The following UGT1A10 variants were observed in gnomAD, a reference collection of about 807,000 sequenced individuals.
UGT1A10 encodes the protein UDP-glucuronosyltransferase 1A10.
Under a neutral mutation model 45.8 loss-of-function variants are expected in UGT1A10, and 49 were observed. The observed-to-expected ratio is 1.07, with a 90% CI of 0.85 to 1.36. The LOEUF (loss-of-function observed/expected upper bound fraction) is 1.36. Ranked by LOEUF, UGT1A10 falls within the 40% of genes most tolerant of loss-of-function variation. The pLI is 0.00. For synonymous variants in UGT1A10, 284 were observed against 249.7 expected (o/e 1.14, Z -1.29); for missense variants, 745 against 668.6 (o/e 1.11, Z -1.26).
At chr2:233,651,183 T>C (rs578096778) in intron 1 of UGT1A10, among the ~76,000 whole-genome samples, 71 of 152,290 alleles carry the variant, frequency 4.7e-4, no homozygotes, top group Middle Eastern at 6.8e-3. Flanking sequence ...TTACCCTCCT[T>C]CAGTTACAGC....
chr2:233,639,041 C>G (rs1409552282), intron 1 of UGT1A10, among the ~76,000 whole-genome samples: 8 of 152,206 alleles, frequency 5.3e-5, no homozygotes, highest in Non-Finnish European at 1.0e-4. Flanking sequence ...CTGCCACTTC[C>G]TGAACCCACG....
intron 1 of UGT1A10, among the ~76,000 whole-genome samples, chr2:233,711,666 T>C (rs903465308): frequency 6.6e-6 from 1 of 152,186 alleles, no homozygotes; most frequent in African/African-American, 2.4e-5. Context: ...TGGAATCTAT[T>C]ATCAATGTGG....
chr2:233,713,287 C>G (rs28946880), intron 1 of UGT1A10: 2 of 1,614,230 alleles, frequency 1.2e-6, no homozygotes, highest in Non-Finnish European at 1.7e-6. Flanking sequence ...CACACTCAAT[C>G]GTTCTTTGAA....
intron 1 of UGT1A10, among the ~76,000 whole-genome samples, chr2:233,679,402 G>T (rs1216966194): frequency 1.3e-5 from 2 of 152,040 alleles, no homozygotes; most frequent in East Asian, 3.9e-4. Context: ...CAAGGCTTGA[G>T]GTTTGGCAGT....
rs181904192 is a variant in UGT1A10, at chr2:233,720,907, C to T, written c.856-46127C>T. On this transcript the variant is annotated intron_variant, in intron 1 of 4. Coordinates refer to ENST00000344644, the MANE Select transcript of UGT1A10 (RefSeq NM_019075.4). ...TTTTTTTTTAGTAGAGATGAGGTTT[C>T]GCAATGTTAGCCAGGCTGGTCTTGA... 7.9e-3 allele frequency among the ~76,000 whole-genome samples: 1,118 copies of T among 140,910 alleles called. 9 individuals carry two copies. Among genetic ancestry groups the T allele is most frequent in the Admixed American group, 0.016 (217 of 13,846 alleles). 92.4% of individuals were successfully genotyped at this position (140,910 alleles called of 152,430 possible).
intron 1 of UGT1A10, among the ~76,000 whole-genome samples, chr2:233,766,494 G>A (rs1250106940): frequency 2.6e-5 from 4 of 152,182 alleles, no homozygotes; most frequent in African/African-American, 9.7e-5. Flanking sequence ...GGCGTGGCAG[G>A]CCAGGGTGGT....
chr2:233,681,870 A>G, intron 1 of UGT1A10: 1 of 1,539,590 alleles, frequency 6.5e-7, no homozygotes. Context: ...TTCTATCTGT[A>G]CTTCTTCCAC....
intron 1 of UGT1A10, among the ~76,000 whole-genome samples, chr2:233,679,519 T>A (rs2074454674): frequency 6.6e-6 from 1 of 152,216 alleles, no homozygotes; most frequent in African/African-American, 2.4e-5. Context: ...GTTTTCTTCC[T>A]TGCCAATAAA....
At chr2:233,736,248 A>G (rs2078745941) in intron 1 of UGT1A10, among the ~76,000 whole-genome samples, 1 of 151,866 alleles carries the variant, frequency 6.6e-6, no homozygotes, top group Non-Finnish European at 1.5e-5. Context: ...TTCTCACTTT[A>G]TTTCATTAAT....
At chr2:233,639,918 A>C (rs1182020700) in intron 1 of UGT1A10, among the ~76,000 whole-genome samples, 1 of 152,248 alleles carries the variant, frequency 6.6e-6, no homozygotes, top group Non-Finnish European at 1.5e-5. Context: ...TGAGAAAAAG[A>C]GGAAGTCACT....
intron 1 of UGT1A10, among the ~76,000 whole-genome samples, chr2:233,671,621 A>C (rs2074194352): frequency 6.6e-6 from 1 of 152,228 alleles, no homozygotes; most frequent in South Asian, 2.1e-4. Flanking sequence ...ATCTTTCTGA[A>C]CCTTCAAGGT....
rs1491042837 is a variant in UGT1A10 at position 233,757,562 on chromosome 2, G to GTATATATATATATATATATA, written c.856-9465_856-9464insATATATATATATATATATAT. On this transcript the variant is annotated intron_variant, in intron 1 of 4. Coordinates refer to ENST00000344644, the MANE Select transcript of UGT1A10 (RefSeq NM_019075.4). ...TATATATATATATATATATATATAT[G>GTATATATATATATATATATA]TATATATGATATAGCTATAGTCTAA... 3.3e-5 allele frequency among the ~76,000 whole-genome samples: 3 copies of GTATATATATATATATATATA among 90,870 alleles called. 1 individual carries two copies. The highest frequency in any genetic ancestry group is 1.5e-4 in the African/African-American group (3 of 19,494). The allele number at this position is 90,870 out of a possible 152,430, so 59.6% of individuals were successfully genotyped here. A position where few individuals can be genotyped will look rare whatever the true frequency, so the allele number is the denominator to read the frequency against.
intron 1 of UGT1A10, chr2:233,713,464 C>G (rs12475068): frequency 0.098 from 158,292 of 1,613,912 alleles, 8,805 homozygotes; most frequent in South Asian, 0.2. Flanking sequence ...CACCTCTGCG[C>G]GGCGGTGCTG....
At chr2:233,672,227 G>T in intron 1 of UGT1A10, 1 of 1,614,016 alleles carries the variant, frequency 6.2e-7, no homozygotes. Context: ...CATGCTCAAT[G>T]GAAAGCACAA....
At chr2:233,644,757 T>C (rs2073555026) in intron 1 of UGT1A10, among the ~76,000 whole-genome samples, 1 of 151,988 alleles carries the variant, frequency 6.6e-6, no homozygotes, top group South Asian at 2.1e-4. Context: ...TTGGGTGACA[T>C]AGGAGATGCA....
At chr2:233,723,194 T>TA (rs551785642) in intron 1 of UGT1A10, among the ~76,000 whole-genome samples, 179 of 130,008 alleles carry the variant, frequency 1.4e-3, no homozygotes, top group African/African-American at 1.9e-3. Context: ...GTCCATGTGG[T>TA]AAAAAAAGTC....
chr2:233,668,250 C>A (rs1348386316), intron 1 of UGT1A10, among the ~76,000 whole-genome samples: 1 of 152,124 alleles, frequency 6.6e-6, no homozygotes, highest in African/African-American at 2.4e-5. Context: ...ATTCCCCGCC[C>A]TGTGTCCAAG....
intron 1 of UGT1A10, among the ~76,000 whole-genome samples, chr2:233,649,523 C>T (rs1422175633): frequency 6.6e-6 from 1 of 152,160 alleles, no homozygotes; most frequent in Non-Finnish European, 1.5e-5. Flanking sequence ...AATATTTATA[C>T]TTATTTTATG....
intron 1 of UGT1A10, among the ~76,000 whole-genome samples, chr2:233,690,280 A>G (rs1258488355): frequency 6.6e-6 from 1 of 152,156 alleles, no homozygotes; most frequent in African/African-American, 2.4e-5. Context: ...GTCCTTTGAA[A>G]TCTTGCAGGT....
Sources: allele counts gnomAD v4.1 joint callset (sites outside exome capture counted in the v4.1 genomes callset), GRCh38; gene constraint gnomAD v4.1.1; transcripts MANE v1.5; gene names NCBI Gene and HGNC (gene_info 2026-07-23, HGNC 2026-07-21).